AGPAT5: variants seen among roughly 807,000 people sequenced by gnomAD.
AGPAT5 encodes 1-acyl-sn-glycerol-3-phosphate acyltransferase epsilon.
AGPAT5 carries 46 observed loss-of-function variants against 45.6 expected under a neutral mutation model. The ratio of observed to expected loss-of-function variants is 1.01; its 90% CI spans 0.80 to 1.29. The LOEUF is 1.29. Ranked by LOEUF, AGPAT5 falls within the 50% of genes most tolerant of loss-of-function variation. The probability of loss-of-function intolerance (pLI) is 0.00; values close to 1 mark genes in which losing one functional copy is unlikely to be tolerated. For synonymous variants in AGPAT5, 272 were observed against 167.0 expected (o/e 1.63, Z -4.85); for missense variants, 673 against 450.7 (o/e 1.49, Z -4.47).
chr8:6,736,198 G>C (rs984942547), intron 4 of AGPAT5, among the ~76,000 whole-genome samples: 2 of 151,932 alleles, frequency 1.3e-5, no homozygotes, highest in African/African-American at 4.8e-5. Context: ...TACATAACAT[G>C]GTATATATTT....
chr8:6,721,925 C>CTT (rs1195946231), intron 1 of AGPAT5, among the ~76,000 whole-genome samples: 1 of 151,874 alleles, frequency 6.6e-6, no homozygotes, highest in Non-Finnish European at 1.5e-5. Context: ...ACTCCTGAAG[C>CTT]CAAGCGATTC....
At chr8:6,741,628 C>T (rs370956982) in intron 4 of AGPAT5, 33 bp from the exon 5 acceptor site, 2 of 1,509,632 alleles carry the variant, frequency 1.3e-6, no homozygotes, top group African/African-American at 2.8e-5. Flanking sequence ...AAAGCTCACA[C>T]AAAATAAACC....
intron 3 of AGPAT5, among the ~76,000 whole-genome samples, chr8:6,731,479 G>A (rs993916407): frequency 2.0e-5 from 3 of 152,128 alleles, no homozygotes; most frequent in South Asian, 2.1e-4. Flanking sequence ...TAAATGCCAT[G>A]TAAATGGTTG....
rs1288092221 is a variant in AGPAT5, at chr8:6,761,397, C to G, written c.*4009C>G. Among the ~76,000 whole-genome samples the G allele has an allele frequency of 6.6e-6, 1 of 152,160 alleles. No individual in the cohort carries two copies. Among genetic ancestry groups the G allele is most frequent in the Non-Finnish European group, 1.5e-5 (1 of 68,016 alleles). ...CCAGCAGGCAAGAATACTTGACTAA[C>G]TCTTTTTGTCTCTTTATGGTATTTT... is the stretch of plus-strand genomic sequence containing the variant. On this transcript the variant is annotated 3_prime_UTR_variant, in exon 8 of 8. Coordinates refer to ENST00000285518, the MANE Select transcript of AGPAT5 (RefSeq NM_018361.5).
intron 4 of AGPAT5, among the ~76,000 whole-genome samples, chr8:6,737,159 C>G (rs1052052963): frequency 2.0e-5 from 3 of 152,308 alleles, no homozygotes; most frequent in Non-Finnish European, 2.9e-5. Flanking sequence ...GGATAACAGA[C>G]TGGCAGGTTC....
intron 7 of AGPAT5, among the ~76,000 whole-genome samples, chr8:6,756,310 C>T (rs911639389): frequency 6.6e-6 from 1 of 152,034 alleles, no homozygotes; most frequent in Admixed American, 6.5e-5. Context: ...ATGGATTCCA[C>T]CAAGCACAGA....
intron 6 of AGPAT5, among the ~76,000 whole-genome samples, chr8:6,752,532 G>A (rs1292941148): frequency 6.6e-6 from 1 of 151,964 alleles, no homozygotes; most frequent in African/African-American, 2.4e-5. Context: ...GCTTCATCTT[G>A]TTGGAATGTG....
In AGPAT5 at chr8:6,759,829, A is replaced by G. The variant is rs1394205623; in HGVS notation, c.*2441A>G. On this transcript the variant is annotated 3_prime_UTR_variant, in exon 8 of 8. Coordinates refer to ENST00000285518, the MANE Select transcript of AGPAT5 (RefSeq NM_018361.5). ...AAAATAATCAAAACTGTTAAGCAGT[A>G]TATTAGTTTGGTTATATAAATTCAT... Among the ~76,000 whole-genome samples the G allele has an allele frequency of 2.0e-5, 3 of 152,236 alleles. No homozygotes were observed. Among genetic ancestry groups the G allele is most frequent in the South Asian group, 2.1e-4 (1 of 4,834 alleles).
At chr8:6,709,793 A>C (rs1235769377) in intron 1 of AGPAT5, among the ~76,000 whole-genome samples, 1 of 151,834 alleles carries the variant, frequency 6.6e-6, no homozygotes, top group Non-Finnish European at 1.5e-5. Flanking sequence ...TTGCAGTTGC[A>C]CTGCTGATCG....
intron 6 of AGPAT5, among the ~76,000 whole-genome samples, chr8:6,751,441 A>G (rs1801651714): frequency 6.6e-6 from 1 of 152,250 alleles, no homozygotes; most frequent in African/African-American, 2.4e-5. Flanking sequence ...CGTTGCTACC[A>G]GGACGCTCTG....
intron 3 of AGPAT5, among the ~76,000 whole-genome samples, chr8:6,731,493 T>C (rs1800862662): frequency 6.6e-6 from 1 of 152,162 alleles, no homozygotes; most frequent in African/African-American, 2.4e-5. Flanking sequence ...ATGGTTGTTA[T>C]ACTTTATTTT....
At position 6,760,199 on chromosome 8, in the gene AGPAT5, C is replaced by G. The variant is rs1239040830; in HGVS notation, c.*2811C>G. 6.6e-6 allele frequency among the ~76,000 whole-genome samples: 1 copy of G among 151,980 alleles called. No individual in the cohort carries two copies. Among genetic ancestry groups the G allele is most frequent in the Non-Finnish European group, 1.5e-5 (1 of 67,996 alleles). On this transcript the variant is annotated 3_prime_UTR_variant, in exon 8 of 8. Coordinates refer to ENST00000285518, the MANE Select transcript of AGPAT5 (RefSeq NM_018361.5). Reference sequence around the variant, plus strand: ...AAATAAGGCCAAGTTCAAGACCAGCCTGGGCAACATATCGAGAACCTGTCT... The same window carrying G: ...AAATAAGGCCAAGTTCAAGACCAGCGTGGGCAACATATCGAGAACCTGTCT...
chr8:6,732,586 G>T lies in AGPAT5; in HGVS notation c.431G>T (p.Ser144Ile). ...CATGGAGGAATCTATGTAAAGCGCA[G>T]TGCCAAATTTAACGAGAAAGAGATG... ...AQHGGIYVKRSAKFNEKEMRN... is the reference protein window; with the variant it reads ...AQHGGIYVKRIAKFNEKEMRN... The change falls in exon 4 of 8, where the codon AGT (serine) becomes ATT (isoleucine). Residue 144 changes from serine (S) to isoleucine (I), a missense_variant. By Grantham distance (142) the Ser-to-Ile change is moderately radical. Transcript: ENST00000285518. The T allele has an allele frequency of 6.2e-7, 1 of 1,610,760 alleles. No individual in the cohort carries two copies. The highest frequency in any genetic ancestry group is 8.5e-7 in the Non-Finnish European group (1 of 1,179,182).
chr8:6,734,627 C>T (rs939463766), intron 4 of AGPAT5, among the ~76,000 whole-genome samples: 3 of 152,162 alleles, frequency 2.0e-5, no homozygotes, highest in African/African-American at 7.2e-5. Context: ...TTTATCTCTT[C>T]AGATTGTGCT....
intron 4 of AGPAT5, among the ~76,000 whole-genome samples, chr8:6,737,085 A>T (rs116399443): frequency 0.011 from 1,661 of 152,316 alleles, 25 homozygotes; most frequent in African/African-American, 0.039. Flanking sequence ...GTTATGGGCT[A>T]CGAGAATAGC....
chr8:6,747,885 T>TTA, intron 6 of AGPAT5, 57 bp downstream of exon 6: 1 of 1,495,184 alleles, frequency 6.7e-7, no homozygotes, highest in Non-Finnish European at 9.0e-7. Flanking sequence ...TGCACATGTT[T>TTA]ATGTAGAATT....
chr8:6,721,274 T>C (rs921533237), intron 1 of AGPAT5, among the ~76,000 whole-genome samples: 1 of 152,252 alleles, frequency 6.6e-6, no homozygotes, highest in African/African-American at 2.4e-5. Context: ...GTTCAAGTAA[T>C]TATAAACATT....
Position 6,757,677 on chromosome 8 carries a change from A to T in AGPAT5, c.*289A>T. 1 of 267,598 alleles carries T rather than the reference A, an allele frequency of 3.7e-6. No individual in the cohort carries two copies. 16.6% of individuals were successfully genotyped at this position (267,598 alleles called of 1,614,324 possible). ...ATGACAACTTGAGAAGGCTGGGAGG[A>T]TTGTGTATTTTGCAAGTCAGATGGC... On this transcript the variant is annotated 3_prime_UTR_variant, in exon 8 of 8. Transcript: ENST00000285518.
intron 4 of AGPAT5, among the ~76,000 whole-genome samples, chr8:6,733,132 A>T (rs111975172): frequency 1.3e-5 from 2 of 152,258 alleles, no homozygotes; most frequent in Non-Finnish European, 2.9e-5. Context: ...ATAAAACTTT[A>T]TTCCACAAAA....
Sources: gnomAD v4.1 joint callset for allele counts (sites outside exome capture counted in the v4.1 genomes callset) on GRCh38, gnomAD v4.1.1 for gene constraint, MANE v1.5 for transcripts, NCBI Gene and HGNC (gene_info 2026-07-23, HGNC 2026-07-21) for gene names.